Variants in APPBP2 observed in about 807,000 individuals in gnomAD.
APPBP2 encodes amyloid protein-binding protein 2.
Under a neutral mutation model 76.0 loss-of-function variants are expected in APPBP2, and 15 were observed. The ratio of observed to expected loss-of-function variants is 0.20; its 90% CI spans 0.13 to 0.30. The LOEUF (loss-of-function observed/expected upper bound fraction) is 0.30, where lower values mean the gene tolerates loss of function less well. APPBP2 is among the 10% of genes least tolerant of loss of function. The probability of loss-of-function intolerance (pLI) is 1.00; values close to 1 mark genes in which losing one functional copy is unlikely to be tolerated. For missense variants in APPBP2, 401 were observed against 687.2 expected (o/e 0.58, Z 4.66); for synonymous variants, 222 against 242.2 (o/e 0.92, Z 0.77).
chr17:60,443,521 T>TA lies in APPBP2; in HGVS notation c.*4059dup, dbSNP rs1384829450. 1 of 152,666 alleles carries TA rather than the reference T, an allele frequency of 6.6e-6. No homozygotes were observed. 9.5% of individuals were successfully genotyped at this position (152,666 alleles called of 1,614,324 possible). A position where few individuals can be genotyped will look rare whatever the true frequency, so the allele number is the denominator to read the frequency against. ...AAGTATAAAAATAGTACTGACCTGG[T>TA]AATATTTAATAAAACGTAGCATTCA... On this transcript the variant is annotated 3_prime_UTR_variant, in exon 13 of 13. Coordinates refer to ENST00000083182, the MANE Select transcript of APPBP2 (RefSeq NM_006380.5).
chr17:60,504,746 A>G (rs2090853122), intron 1 of APPBP2, among the ~76,000 whole-genome samples: 1 of 152,152 alleles, frequency 6.6e-6, no homozygotes, highest in African/African-American at 2.4e-5. Context: ...GGAGGTTGCA[A>G]TAAGCTGATA....
intron 1 of APPBP2, among the ~76,000 whole-genome samples, chr17:60,509,277 G>T (rs1255929763): frequency 6.6e-6 from 1 of 152,058 alleles, no homozygotes; most frequent in Admixed American, 6.5e-5. Flanking sequence ...CTACCAGGAG[G>T]CTAAGGCAGG....
At chr17:60,455,943 A>G (rs1168215950) in intron 10 of APPBP2, among the ~76,000 whole-genome samples, 2 of 152,042 alleles carry the variant, frequency 1.3e-5, no homozygotes, top group African/African-American at 4.8e-5. Context: ...ACATCCGGCT[A>G]ATTTTTGTAT....
At chr17:60,462,964 GA>G (rs901951952) in intron 6 of APPBP2, among the ~76,000 whole-genome samples, 14 of 136,830 alleles carry the variant, frequency 1.0e-4, no homozygotes, top group Non-Finnish European at 1.9e-4. Flanking sequence ...AAAAAAAAAA[GA>G]AAAAAAAACC....
chr17:60,471,401 G>T (rs1046880622), intron 4 of APPBP2, among the ~76,000 whole-genome samples: 1 of 152,088 alleles, frequency 6.6e-6, no homozygotes, highest in Non-Finnish European at 1.5e-5. Flanking sequence ...CTGATCCTAT[G>T]GGGGAAGCTT....
At chr17:60,460,820 G>A (rs1387785388) in intron 8 of APPBP2, 33 bp from the exon 9 acceptor site, 18 of 1,597,502 alleles carry the variant, frequency 1.1e-5, no homozygotes, top group Non-Finnish European at 1.5e-5. Context: ...TGTCAATACT[G>A]TAGAAAATAC....
In APPBP2 at chr17:60,444,239, T is replaced by C. The variant is rs2090327239; in HGVS notation, c.*3342A>G. On this transcript the variant is annotated 3_prime_UTR_variant, in exon 13 of 13. Coordinates refer to ENST00000083182, the MANE Select transcript of APPBP2 (RefSeq NM_006380.5). ...AACCCCAAAAACTTTGTACTTATAGTGTTTTTCCAGTAGTAACTTTGCCAC... is the reference window on the plus strand; with the variant it reads ...AACCCCAAAAACTTTGTACTTATAGCGTTTTTCCAGTAGTAACTTTGCCAC... 6.6e-6 allele frequency: 1 copy of C among 152,522 alleles called. No homozygotes were observed. Among genetic ancestry groups the C allele is most frequent in the Non-Finnish European group, 1.5e-5 (1 of 68,042 alleles). The allele number at this position is 152,522 out of a possible 1,614,324, so 9.4% of individuals were successfully genotyped here.
At chr17:60,504,488 T>C (rs1249966368) in intron 1 of APPBP2, among the ~76,000 whole-genome samples, 1 of 152,144 alleles carries the variant, frequency 6.6e-6, no homozygotes, top group African/African-American at 2.4e-5. Context: ...GCCTACCTGA[T>C]AAAATGTAAC....
chr17:60,498,959 T>C (rs1171902729), intron 2 of APPBP2, among the ~76,000 whole-genome samples: 1 of 152,190 alleles, frequency 6.6e-6, no homozygotes, highest in Non-Finnish European at 1.5e-5. Flanking sequence ...TATAATCATA[T>C]TTATGAAATA....
chr17:60,461,950 T>G (rs1168249882), intron 7 of APPBP2, 35 bp from the exon 8 acceptor site: 1 of 1,607,598 alleles, frequency 6.2e-7, no homozygotes, highest in Non-Finnish European at 8.5e-7. Flanking sequence ...GGATATAAAG[T>G]ATAGAGACAA....
At position 60,461,855 on chromosome 17, in the gene APPBP2, G is replaced by A; in HGVS notation, c.891C>T (p.Tyr297=). Reference sequence around the variant, plus strand: ...GACAGATATTATCTACATTGAGTAAGTAGAACCCATAATCTAGCAGTGTAT... The same window carrying A: ...GACAGATATTATCTACATTGAGTAAATAGAACCCATAATCTAGCAGTGTAT... ...YSDTLLDYGF[Y]LLNVDNICQS... The change falls in exon 8 of 13, where the codon TAC becomes TAT. Residue 297 remains tyrosine (Y), a synonymous_variant. Coordinates refer to ENST00000083182, the MANE Select transcript of APPBP2 (RefSeq NM_006380.5). The A allele has an allele frequency of 1.9e-6, 3 of 1,613,144 alleles. No homozygotes were observed. The highest frequency in any genetic ancestry group is 2.5e-6 in the Non-Finnish European group (3 of 1,179,636).
chr17:60,447,001 C>G lies in APPBP2; in HGVS notation c.*580G>C, dbSNP rs944641042. The G allele has an allele frequency of 1.3e-5, 2 of 152,404 alleles. No individual in the cohort carries two copies. The highest frequency in any genetic ancestry group is 2.9e-5 in the Non-Finnish European group (2 of 68,070). 9.4% of individuals were successfully genotyped at this position (152,404 alleles called of 1,614,324 possible). On this transcript the variant is annotated 3_prime_UTR_variant, in exon 13 of 13. Coordinates refer to ENST00000083182, the MANE Select transcript of APPBP2 (RefSeq NM_006380.5). The stretch of plus-strand genomic sequence containing the variant: ...CAACACTGGTCCAGTTCAGATGAAT[C>G]TGACAGTCCTTTCCTTGTAATATAG...
chr17:60,486,648 G>C (rs189707506), intron 3 of APPBP2, among the ~76,000 whole-genome samples: 4 of 152,142 alleles, frequency 2.6e-5, no homozygotes, highest in African/African-American at 7.2e-5. Flanking sequence ...TCTTTATCCA[G>C]TTTGCCAGTC....
At chr17:60,486,364 T>C (rs1162919125) in intron 3 of APPBP2, among the ~76,000 whole-genome samples, 1 of 152,206 alleles carries the variant, frequency 6.6e-6, no homozygotes, top group East Asian at 1.9e-4. Context: ...GGACTTGCCT[T>C]ATGAATCTGA....
chr17:60,510,250 A>G (rs2090901085), intron 1 of APPBP2, among the ~76,000 whole-genome samples: 1 of 151,930 alleles, frequency 6.6e-6, no homozygotes, highest in Admixed American at 6.6e-5. Context: ...CAAAAAATAA[A>G]AAATTAGCCA....
chr17:60,507,550 C>T (rs1008516931), intron 1 of APPBP2, among the ~76,000 whole-genome samples: 3 of 152,036 alleles, frequency 2.0e-5, no homozygotes, highest in Non-Finnish European at 4.4e-5. Context: ...ATGAATAACC[C>T]AAATTGGTAC....
chr17:60,506,420 A>T (rs2090868620), intron 1 of APPBP2, among the ~76,000 whole-genome samples: 1 of 152,198 alleles, frequency 6.6e-6, no homozygotes, highest in Admixed American at 6.5e-5. Context: ...CTCTACATGA[A>T]GCACTGGTAA....
chr17:60,507,575 T>C (rs1470192535), intron 1 of APPBP2, among the ~76,000 whole-genome samples: 1 of 152,154 alleles, frequency 6.6e-6, no homozygotes, highest in Admixed American at 6.6e-5. Flanking sequence ...TTACTTTGGA[T>C]GGAACTCAGA....
rs913401427 is a variant in APPBP2, at chr17:60,503,254, G to GC, written c.139-2768dup. On this transcript the variant is annotated intron_variant, in intron 1 of 12. Transcript: ENST00000083182. ...TCTCGATTTCTTGACCTCATGATCC[G>GC]CCCGCCTCAGCCTTCCAAAGTGCTG... 3.4e-5 allele frequency among the ~76,000 whole-genome samples: 5 copies of GC among 145,892 alleles called. 1 individual carries two copies. The highest frequency in any genetic ancestry group is 1.4e-4 in the African/African-American group (5 of 35,610).
Sources: gnomAD v4.1 joint callset for allele counts (sites outside exome capture counted in the v4.1 genomes callset) on GRCh38, gnomAD v4.1.1 for gene constraint, MANE v1.5 for transcripts, NCBI Gene and HGNC (gene_info 2026-07-23, HGNC 2026-07-21) for gene names.